The following SLA2 variants were observed in gnomAD, a reference collection of about 807,000 sequenced individuals.
SLA2 encodes src-like-adapter 2.
Under a neutral mutation model 27.3 loss-of-function variants are expected in SLA2, and 22 were observed. That is an observed-to-expected ratio of 0.81 (90% CI 0.58 to 1.15). The LOEUF is 1.15. Ranked by LOEUF, SLA2 falls within the 50% of genes most tolerant of loss-of-function variation. SLA2 has a pLI of 0.00. For synonymous variants in SLA2, 131 were observed against 137.8 expected, an observed-to-expected ratio of 0.95 and a Z score of 0.34; for missense variants, 304 against 322.2, an observed-to-expected ratio of 0.94 and a Z score of 0.43.
Position 36,638,455 on chromosome 20 carries a change from A to T in SLA2, c.91+2790T>A, listed in dbSNP as rs368674445. ...GCAGTTCTCCTGTCTCAGCCTCCAG[A>T]GTAGCTGGGACTACAGGTGCATGCC... On this transcript the variant is annotated intron_variant, in intron 2 of 7. Coordinates refer to ENST00000262866, the MANE Select transcript of SLA2 (RefSeq NM_032214.4). Among the ~76,000 whole-genome samples, 9 of 151,906 alleles carry T rather than the reference A, an allele frequency of 5.9e-5. No homozygotes were observed. The East Asian group carries it at 9.8e-4, about 16-fold the overall frequency.
At chr20:36,629,952 G>C (rs1208296312) in intron 5 of SLA2, among the ~76,000 whole-genome samples, 1 of 149,686 alleles carries the variant, frequency 6.7e-6, no homozygotes, top group African/African-American at 2.5e-5. Context: ...AAAAAAAAAA[G>C]TCTCCATACG....
At position 36,634,555 on chromosome 20, in the gene SLA2, A is replaced by G. The variant is rs763317254; in HGVS notation, c.126T>C (p.Ser42=). The G allele has an allele frequency of 9.9e-6, 16 of 1,611,760 alleles. No individual in the cohort carries two copies. The highest frequency in any genetic ancestry group is 1.2e-5 in the Non-Finnish European group (14 of 1,178,684). Residue 42 remains serine, a synonymous_variant, in exon 3 of 8, where the codon AGT becomes AGC. Transcript: ENST00000262866. Reference sequence around the variant, plus strand: ...GCTCGGCCGGGCCACCTGCCGGGAAACTGCCCAGGGCCACGGCTGTGGCCT... The same window carrying G: ...GCTCGGCCGGGCCACCTGCCGGGAAGCTGCCCAGGGCCACGGCTGTGGCCT... ...RSKATAVALG[S]FPAGGPAELS...
In SLA2 at chr20:36,632,667, C is replaced by T; in HGVS notation, c.310G>A (p.Ala104Thr). Residue 104 changes from alanine to threonine, a missense_variant, in exon 5 of 8, where the codon GCA becomes ACA. By Grantham distance (58) the Ala-to-Thr change is moderately conservative (BLOSUM62 0). Transcript: ENST00000262866. The part of the protein sequence containing the change: ...WLYEGLSREK[A>T]EELLLLPGNP... Reference sequence around the variant, plus strand: ...CCAGGTAACAACAGCAGTTCCTCTGCTTTCTCCCTGCTCAGGCCCTCATAC... The same window carrying T: ...CCAGGTAACAACAGCAGTTCCTCTGTTTTCTCCCTGCTCAGGCCCTCATAC... 1 of 1,614,206 alleles carries T rather than the reference C, an allele frequency of 6.2e-7. No individual in the cohort carries two copies. Among genetic ancestry groups the T allele is most frequent in the Non-Finnish European group, 8.5e-7 (1 of 1,180,036 alleles).
intron 5 of SLA2, among the ~76,000 whole-genome samples, chr20:36,625,065 C>T (rs1031351078): frequency 1.3e-5 from 2 of 152,182 alleles, no homozygotes; most frequent in Non-Finnish European, 2.9e-5. Flanking sequence ...ATGCTGGACA[C>T]TCTGCTCTGG....
chr20:36,630,304 C>T (rs955547734), intron 5 of SLA2, among the ~76,000 whole-genome samples: 1 of 152,160 alleles, frequency 6.6e-6, no homozygotes, highest in African/African-American at 2.4e-5. Flanking sequence ...TCAGAGAGGT[C>T]AACCCAAGAA....
chr20:36,623,123 G>T (rs575793356), intron 5 of SLA2, among the ~76,000 whole-genome samples: 1 of 152,064 alleles, frequency 6.6e-6, no homozygotes, highest in Non-Finnish European at 1.5e-5. Context: ...AGAAAAATTA[G>T]CTGGGCATGA....
chr20:36,618,011 G>T (rs1343182605), intron 5 of SLA2, among the ~76,000 whole-genome samples: 3 of 151,182 alleles, frequency 2.0e-5, no homozygotes, highest in African/African-American at 7.3e-5. Flanking sequence ...GCCGGGCGTG[G>T]TGGCGGGCGC....
At chr20:36,631,636 C>T (rs923957579) in intron 5 of SLA2, among the ~76,000 whole-genome samples, 2 of 152,200 alleles carry the variant, frequency 1.3e-5, no homozygotes, top group Admixed American at 6.5e-5. Context: ...GGGGCAAGCC[C>T]TGGCATCACT....
At position 36,615,250 on chromosome 20, in the gene SLA2, G is replaced by C; in HGVS notation, c.507C>G (p.Leu169=). The part of the protein sequence containing the change: ...YISPRLTFPS[L]QALVDHYSEL... ...CAGAGTAATGGTCCACCAGGGCCTG[G>C]AGTGAGGGGAAGGTGAGGCGCGGTG... The change falls in exon 6 of 8, where the codon CTC becomes CTG. Residue 169 remains leucine (L), a synonymous_variant. Coordinates refer to ENST00000262866, the MANE Select transcript of SLA2 (RefSeq NM_032214.4). 1 of 1,614,164 alleles carries C rather than the reference G, an allele frequency of 6.2e-7. No homozygotes were observed. The highest frequency in any genetic ancestry group is 1.6e-4 in the Middle Eastern group (1 of 6,062).
intron 5 of SLA2, among the ~76,000 whole-genome samples, chr20:36,631,678 C>A (rs2039394480): frequency 6.6e-6 from 1 of 152,188 alleles, no homozygotes; most frequent in African/African-American, 2.4e-5. Flanking sequence ...GTTTCCCAAA[C>A]TCTGTGCCAT....
chr20:36,638,515 G>C (rs1011446514), intron 2 of SLA2, among the ~76,000 whole-genome samples: 4 of 152,084 alleles, frequency 2.6e-5, no homozygotes, highest in Non-Finnish European at 5.9e-5. Flanking sequence ...TTTTAGTAGA[G>C]ACAGGGTTTT....
intron 5 of SLA2, among the ~76,000 whole-genome samples, chr20:36,631,786 T>A (rs1398677824): frequency 1.3e-5 from 2 of 152,176 alleles, no homozygotes; most frequent in Non-Finnish European, 2.9e-5. Flanking sequence ...ATACAGTAGG[T>A]CCTGTCCTTC....
Position 36,633,531 on chromosome 20 carries a change from G to C in SLA2, c.278+12C>G. 1 of 1,611,392 alleles carries C rather than the reference G, an allele frequency of 6.2e-7. No homozygotes were observed. The highest frequency in any genetic ancestry group is 8.5e-7 in the Non-Finnish European group (1 of 1,177,502). On this transcript the variant is annotated intron_variant, in intron 4 of 7. Transcript: ENST00000262866. ...GGAAGCTCTGCAAGGCGGGCCTGGGGTGGGAACTCACCCATGGGAGACTTT... is the reference window on the plus strand; with the variant it reads ...GGAAGCTCTGCAAGGCGGGCCTGGGCTGGGAACTCACCCATGGGAGACTTT...
intron 2 of SLA2, among the ~76,000 whole-genome samples, chr20:36,638,730 A>G (rs1460497060): frequency 6.6e-6 from 1 of 152,248 alleles, no homozygotes; most frequent in African/African-American, 2.4e-5. Context: ...TAAATACACC[A>G]TGAAGTAGTG....
At chr20:36,625,076 G>A (rs1339787750) in intron 5 of SLA2, among the ~76,000 whole-genome samples, 2 of 152,092 alleles carry the variant, frequency 1.3e-5, no homozygotes, top group African/African-American at 4.8e-5. Flanking sequence ...TCTGCTCTGG[G>A]CCCAGACACA....
chr20:36,615,473 C>T lies in SLA2; in HGVS notation c.383-99G>A, dbSNP rs78496338. 111 of 1,397,730 alleles carry T rather than the reference C, an allele frequency of 7.9e-5. 1 individual carries two copies. In the Middle Eastern group the frequency reaches 2.3e-3, roughly 29 times the overall value. 86.6% of individuals were successfully genotyped at this position (1,397,730 alleles called of 1,614,324 possible). On this transcript the variant is annotated intron_variant, in intron 5 of 7. Transcript: ENST00000262866. The stretch of plus-strand genomic sequence containing the variant: ...GATAGGCAACGTGACCATGGGGCCC[C>T]GGCAGAAGGGAAGTGTCTGGGGCAG...
chr20:36,618,027 G>A (rs1225203070), intron 5 of SLA2, among the ~76,000 whole-genome samples: 20 of 130,380 alleles, frequency 1.5e-4, no homozygotes, highest in South Asian at 2.6e-4. Context: ...GGCGCCTGTA[G>A]TCCCAGCTAC....
chr20:36,612,975 T>C lies in SLA2; in HGVS notation c.*891A>G, dbSNP rs2039159132. On this transcript the variant is annotated 3_prime_UTR_variant, in exon 8 of 8. Coordinates refer to ENST00000262866, the MANE Select transcript of SLA2 (RefSeq NM_032214.4). ...GCTCACACCTGTAATCCCAGCACTTTGGGAGGCCAAGGTGGGTGGATCACC... is the reference window on the plus strand; with the variant it reads ...GCTCACACCTGTAATCCCAGCACTTCGGGAGGCCAAGGTGGGTGGATCACC... 3 of 152,572 alleles carry C rather than the reference T, an allele frequency of 2.0e-5. No individual in the cohort carries two copies. Among genetic ancestry groups the C allele is most frequent in the Admixed American group, 6.5e-5 (1 of 15,312 alleles). 9.5% of individuals were successfully genotyped at this position (152,572 alleles called of 1,614,324 possible).
intron 6 of SLA2, 123 bp from the exon 7 acceptor site, chr20:36,614,560 A>ATGAG: frequency 6.8e-7 from 1 of 1,470,478 alleles, no homozygotes; most frequent in Non-Finnish European, 8.9e-7. Context: ...GTGATAGGAC[A>ATGAG]TGAGCCCCAA....
Sources: gnomAD v4.1 joint callset for allele counts (sites outside exome capture counted in the v4.1 genomes callset) on GRCh38, gnomAD v4.1.1 for gene constraint, MANE v1.5 for transcripts, NCBI Gene and HGNC (gene_info 2026-07-23, HGNC 2026-07-21) for gene names.